Variants in MAPKAPK2 observed in about 807,000 individuals in gnomAD.
MAPKAPK2 encodes the protein MAP kinase-activated protein kinase 2.
A neutral mutation model predicts 48.8 loss-of-function variants in MAPKAPK2; 9 were observed. The ratio of observed to expected loss-of-function variants is 0.18; its 90% CI spans 0.11 to 0.32. The LOEUF is 0.32. Ranked by LOEUF, MAPKAPK2 falls within the 10% of genes least tolerant of loss-of-function variation. The probability of loss-of-function intolerance (pLI) is 1.00; values close to 1 mark genes in which losing one functional copy is unlikely to be tolerated. For synonymous variants in MAPKAPK2, 202 were observed against 190.6 expected, an observed-to-expected ratio of 1.06 and a Z score of -0.49; for missense variants, 331 against 498.3, an observed-to-expected ratio of 0.66 and a Z score of 3.20.
chr1:206,703,987 G>C (rs1363931510), intron 1 of MAPKAPK2, among the ~76,000 whole-genome samples: 1 of 152,220 alleles, frequency 6.6e-6, no homozygotes, highest in African/African-American at 2.4e-5. Flanking sequence ...GGGTTCAGCT[G>C]CCTGCGGAAG....
intron 1 of MAPKAPK2, among the ~76,000 whole-genome samples, chr1:206,698,596 TC>T (rs1266273233): frequency 6.6e-6 from 1 of 152,254 alleles, no homozygotes; most frequent in East Asian, 1.9e-4. Flanking sequence ...TAATAACAAG[TC>T]TTTATTGAGC....
intron 1 of MAPKAPK2, among the ~76,000 whole-genome samples, chr1:206,709,304 C>T (rs1673064804): frequency 6.6e-6 from 1 of 152,162 alleles, no homozygotes; most frequent in African/African-American, 2.4e-5. Context: ...ATGTTATGCT[C>T]CTCAGATCTT....
chr1:206,703,962 T>C (rs782066420), intron 1 of MAPKAPK2, among the ~76,000 whole-genome samples: 4 of 152,104 alleles, frequency 2.6e-5, no homozygotes, highest in African/African-American at 4.8e-5. Context: ...CTGGGGGAGG[T>C]GAGCATCTGC....
At chr1:206,718,414 C>T (rs887414534) in intron 1 of MAPKAPK2, among the ~76,000 whole-genome samples, 2 of 151,896 alleles carry the variant, frequency 1.3e-5, no homozygotes, top group Non-Finnish European at 2.9e-5. Context: ...CGCCTGTAGT[C>T]CCAGCTACTT....
chr1:206,699,720 G>T (rs529019381), intron 1 of MAPKAPK2, among the ~76,000 whole-genome samples: 1 of 152,262 alleles, frequency 6.6e-6, no homozygotes, highest in Admixed American at 6.5e-5. Flanking sequence ...AGCCTTCTAG[G>T]TGAAGGAGTG....
At chr1:206,693,064 C>T (rs952399865) in intron 1 of MAPKAPK2, among the ~76,000 whole-genome samples, 11 of 152,302 alleles carry the variant, frequency 7.2e-5, no homozygotes, top group Admixed American at 4.6e-4. Flanking sequence ...TTTCGTCCTC[C>T]GGCGGGGCTC....
chr1:206,686,265 C>T (rs1487083459), intron 1 of MAPKAPK2, among the ~76,000 whole-genome samples: 2 of 152,246 alleles, frequency 1.3e-5, no homozygotes, highest in African/African-American at 4.8e-5. Context: ...GTGCTGATTC[C>T]GCCTCCTAGA....
chr1:206,731,130 T>C lies in MAPKAPK2; in HGVS notation c.768-8T>C. On this transcript the variant is annotated splice_polypyrimidine_tract_variant and splice_region_variant and intron_variant, in intron 6 of 9. Transcript: ENST00000367103. The surrounding 1 kb of genome is among the most constrained non-coding windows in gnomAD (Gnocchi z 5.9). ...CTGTCTCCCACTTCCTTCCTCCTGT[T>C]GATGCAGGCTGTGTGGGTATCCCCC... The C allele has an allele frequency of 6.2e-7, 1 of 1,614,192 alleles. No homozygotes were observed. The highest frequency in any genetic ancestry group is 1.1e-5 in the South Asian group (1 of 91,080).
chr1:206,726,248 G>A (rs1553431827), intron 1 of MAPKAPK2, among the ~76,000 whole-genome samples: 1 of 152,108 alleles, frequency 6.6e-6, no homozygotes, highest in East Asian at 1.9e-4. Context: ...TTAGCCAGAC[G>A]TGGTGGCTCA....
chr1:206,701,612 T>G (rs1476618633), intron 1 of MAPKAPK2, among the ~76,000 whole-genome samples: 3 of 151,770 alleles, frequency 2.0e-5, no homozygotes, highest in African/African-American at 7.3e-5. Context: ...GGCAGGCAAA[T>G]TGCTTGAGCC....
At position 206,718,983 on chromosome 1, in the gene MAPKAPK2, A is replaced by AT. The variant is rs1319862229; in HGVS notation, c.280-9717dup. Among the ~76,000 whole-genome samples the AT allele has an allele frequency of 5.0e-3, 756 of 150,452 alleles. 3 individuals carry two copies. The highest frequency in any genetic ancestry group is 0.017 in the African/African-American group (695 of 41,060). On this transcript the variant is annotated intron_variant, in intron 1 of 9. Coordinates refer to ENST00000367103, the MANE Select transcript of MAPKAPK2 (RefSeq NM_032960.4). ...AGTTTTATTTTGGTCAAACATTAAAATTTTTTTTTTGCCAGTCTGGTGAAA... is the reference window on the plus strand; with the variant it reads ...AGTTTTATTTTGGTCAAACATTAAAATTTTTTTTTTTGCCAGTCTGGTGAAA...
At chr1:206,694,921 A>G (rs4539133) in intron 1 of MAPKAPK2, among the ~76,000 whole-genome samples, 152,251 of 152,364 alleles carry the variant, frequency 1, 76,069 homozygotes, top group Middle Eastern at 1. Context: ...CCCTGGAAAC[A>G]CTTGCGCTTG....
rs56752335 is a variant in MAPKAPK2, at chr1:206,691,482, GATATATATATAT to G, written c.279+5986_279+5997del. Among the ~76,000 whole-genome samples the G allele has an allele frequency of 2.5e-4, 19 of 77,296 alleles. 1 individual carries two copies. Among genetic ancestry groups the G allele is most frequent in the Non-Finnish European group, 4.8e-4 (17 of 35,780 alleles). The allele number at this position is 77,296 out of a possible 152,430, so 50.7% of individuals were successfully genotyped here. A position where few individuals can be genotyped will look rare whatever the true frequency, so the allele number is the denominator to read the frequency against. On this transcript the variant is annotated intron_variant, in intron 1 of 9. Transcript: ENST00000367103. ...AAAATACTGGTATTTTGTATTTTAA[GATATATATATAT>G]ATATATATATACACACATACACAGA...
chr1:206,731,301 T>C lies in MAPKAPK2; in HGVS notation c.892+39T>C, dbSNP rs1553432626. On this transcript the variant is annotated intron_variant, in intron 7 of 9. Transcript: ENST00000367103. This position sits in a 1 kb window ranked among gnomAD's most constrained non-coding sequence, Gnocchi z 5.9. ...CTTTCAGGACAAGGGGAAGAGCCCG[T>C]GTGTGTGTGTGTGTGTGTATGTGTG... 3.3e-6 allele frequency: 3 copies of C among 912,714 alleles called. No homozygotes were observed. The highest frequency in any genetic ancestry group is 3.1e-6 in the Non-Finnish European group (2 of 654,686). 56.5% of individuals were successfully genotyped at this position (912,714 alleles called of 1,614,324 possible). A position where few individuals can be genotyped will look rare whatever the true frequency, so the allele number is the denominator to read the frequency against.
chr1:206,710,196 A>G (rs1331618344), intron 1 of MAPKAPK2, among the ~76,000 whole-genome samples: 2 of 152,244 alleles, frequency 1.3e-5, no homozygotes, highest in Non-Finnish European at 2.9e-5. Context: ...GGATATATGT[A>G]TTACAAGTAA....
chr1:206,706,157 T>C (rs1672951485), intron 1 of MAPKAPK2, among the ~76,000 whole-genome samples: 1 of 138,052 alleles, frequency 7.2e-6, no homozygotes, highest in Non-Finnish European at 1.6e-5. Flanking sequence ...TATTTATTTA[T>C]TTGCTTAATC....
Position 206,732,883 on chromosome 1 carries a change from C to A in MAPKAPK2, c.*165C>A. 1.3e-6 allele frequency: 1 copy of A among 788,554 alleles called. No individual in the cohort carries two copies. The highest frequency in any genetic ancestry group is 1.9e-6 in the Non-Finnish European group (1 of 517,224). The allele number at this position is 788,554 out of a possible 1,614,324, so 48.8% of individuals were successfully genotyped here. A position where few individuals can be genotyped will look rare whatever the true frequency, so the allele number is the denominator to read the frequency against. ...GAATTCTGCCTTGGTTCTGGCCACC[C>A]CAGAGTGGGAGAGGCTGGGAGGTTG... On this transcript the variant is annotated 3_prime_UTR_variant, in exon 10 of 10. Coordinates refer to ENST00000367103, the MANE Select transcript of MAPKAPK2 (RefSeq NM_032960.4). The surrounding 1 kb of genome is among the most constrained non-coding windows in gnomAD (Gnocchi z 4.4).
intron 1 of MAPKAPK2, among the ~76,000 whole-genome samples, chr1:206,700,265 G>T (rs557936791): frequency 1.3e-5 from 2 of 152,082 alleles, no homozygotes; most frequent in African/African-American, 4.8e-5. Context: ...CCTTGAGAGA[G>T]AATCCTCTCC....
In MAPKAPK2 at chr1:206,732,564, C is replaced by T. The variant is rs782583951; in HGVS notation, c.1060-11C>T. ...CTCTCTGTACCCTTCCTGGTGCTGC[C>T]GTGCCCCCAGGAGGAGATGACCAGT... On this transcript the variant is annotated splice_polypyrimidine_tract_variant and intron_variant, in intron 9 of 9. Coordinates refer to ENST00000367103, the MANE Select transcript of MAPKAPK2 (RefSeq NM_032960.4). The surrounding 1 kb of genome is among the most constrained non-coding windows in gnomAD (Gnocchi z 4.4). 3.4e-5 allele frequency: 55 copies of T among 1,613,308 alleles called. No homozygotes were observed. Among genetic ancestry groups the T allele is most frequent in the Middle Eastern group, 1.7e-4 (1 of 5,742 alleles).
Sources: allele counts gnomAD v4.1 joint callset (sites outside exome capture counted in the v4.1 genomes callset), GRCh38; gene constraint gnomAD v4.1.1; non-coding constraint Gnocchi (gnomAD v3.1); transcripts MANE v1.5; gene names NCBI Gene and HGNC (gene_info 2026-07-23, HGNC 2026-07-21).